KCNC2: variants seen among roughly 807,000 people sequenced by gnomAD.
The protein encoded by KCNC2 is potassium voltage-gated channel subfamily C member 2, also known as voltage-gated potassium channel KCNC2.
Under a neutral mutation model 44.5 loss-of-function variants are expected in KCNC2, and 21 were observed. That is an observed-to-expected ratio of 0.47 (90% CI 0.33 to 0.68). The LOEUF (loss-of-function observed/expected upper bound fraction) is 0.68, where lower values mean the gene tolerates loss of function less well. Among genes scored for constraint, KCNC2 ranks in the 30% least tolerant of loss-of-function variants. The pLI, the probability that KCNC2 is intolerant of heterozygous loss-of-function variation, is 0.01. For synonymous variants in KCNC2, 391 were observed against 339.1 expected, an observed-to-expected ratio of 1.15 and a Z score of -1.68; for missense variants, 589 against 826.2, an observed-to-expected ratio of 0.71 and a Z score of 3.52.
At chr12:75,098,542 T>G (rs899486258) in intron 2 of KCNC2, among the ~76,000 whole-genome samples, 1 of 152,082 alleles carries the variant, frequency 6.6e-6, no homozygotes, top group East Asian at 1.9e-4. Flanking sequence ...GTGGATCACC[T>G]TAGGTCAGGA....
Position 75,166,877 on chromosome 12 carries a change from C to A in KCNC2, c.687+40420G>T, listed in dbSNP as rs577880453. The stretch of plus-strand genomic sequence containing the variant: ...AAGAAGCTCTCAAATAAATAACTTT[C>A]CACCCTAAGAATTAGGAAAAGAAGA... On this transcript the variant is annotated intron_variant, in intron 2 of 4. Coordinates refer to ENST00000549446, the MANE Select transcript of KCNC2 (RefSeq NM_139137.4). Among the ~76,000 whole-genome samples the A allele has an allele frequency of 2.3e-4, 35 of 151,146 alleles. 1 individual carries two copies. The highest frequency in any genetic ancestry group is 8.0e-4 in the African/African-American group (33 of 41,378).
At chr12:75,084,216 T>G (rs1884755019) in intron 2 of KCNC2, among the ~76,000 whole-genome samples, 1 of 76,786 alleles carries the variant, frequency 1.3e-5, no homozygotes, top group Admixed American at 1.7e-4. Flanking sequence ...GCTCATAATC[T>G]AGTTGATGAT....
chr12:75,135,464 AT>A (rs1889159983), intron 2 of KCNC2, among the ~76,000 whole-genome samples: 1 of 152,054 alleles, frequency 6.6e-6, no homozygotes, highest in African/African-American at 2.4e-5. Context: ...TCCAGAGAAA[AT>A]ATAAGAGATA....
chr12:75,155,489 G>A (rs887803143), intron 2 of KCNC2, among the ~76,000 whole-genome samples: 1 of 151,756 alleles, frequency 6.6e-6, no homozygotes, highest in Admixed American at 6.6e-5. Flanking sequence ...AAGCATGATT[G>A]TACTGAGTTT....
intron 2 of KCNC2, among the ~76,000 whole-genome samples, chr12:75,128,408 T>TA (rs1324070228): frequency 6.6e-6 from 1 of 152,188 alleles, no homozygotes; most frequent in Non-Finnish European, 1.5e-5. Context: ...ATACTCCTAT[T>TA]AAATATTGTT....
intron 2 of KCNC2, among the ~76,000 whole-genome samples, chr12:75,088,187 T>G (rs1885184015): frequency 6.6e-6 from 1 of 152,058 alleles, no homozygotes; most frequent in South Asian, 2.1e-4. Context: ...CACAGAAGTA[T>G]TTAGCACAGG....
intron 2 of KCNC2, among the ~76,000 whole-genome samples, chr12:75,131,671 G>T (rs1303956198): frequency 3.9e-5 from 6 of 152,124 alleles, no homozygotes; most frequent in Non-Finnish European, 8.8e-5. Context: ...GCTGGAGGGG[G>T]CTACCCAGGA....
rs74703229 is a variant in KCNC2, at chr12:75,165,783, G to T, written c.687+41514C>A. Among the ~76,000 whole-genome samples, 1,311 of 151,472 alleles carry T rather than the reference G, an allele frequency of 8.7e-3. 24 individuals carry two copies. The highest frequency in any genetic ancestry group is 0.03 in the African/African-American group (1,252 of 41,420). ...TAGATGTTGATATCTATGTACATTT[G>T]CCTAAGTGTTTCATCTATAACAACA... On this transcript the variant is annotated intron_variant, in intron 2 of 4. Transcript: ENST00000549446.
At chr12:75,112,947 C>G (rs902828324) in intron 2 of KCNC2, among the ~76,000 whole-genome samples, 14 of 152,226 alleles carry the variant, frequency 9.2e-5, no homozygotes, top group African/African-American at 3.1e-4. Context: ...TCAGCATTGC[C>G]TTGATGTTCA....
intron 2 of KCNC2, among the ~76,000 whole-genome samples, chr12:75,099,714 C>T (rs183968696): frequency 5.6e-4 from 86 of 152,244 alleles, no homozygotes; most frequent in African/African-American, 2.0e-3. Flanking sequence ...ATTTTAACCT[C>T]AAGTCTCTAT....
intron 2 of KCNC2, among the ~76,000 whole-genome samples, chr12:75,053,215 T>C (rs4882671): frequency 0.88 from 134,227 of 151,920 alleles, 59,448 homozygotes; most frequent in Admixed American, 0.91. Context: ...TTTCTTATTC[T>C]ACCTAAAATC....
chr12:75,169,416 G>A (rs954333071), intron 2 of KCNC2, among the ~76,000 whole-genome samples: 3 of 151,446 alleles, frequency 2.0e-5, no homozygotes, highest in African/African-American at 4.8e-5. Context: ...CATTACTACT[G>A]ATAATGTCAT....
intron 2 of KCNC2, among the ~76,000 whole-genome samples, chr12:75,073,523 G>A (rs1053772864): frequency 6.6e-6 from 1 of 152,098 alleles, no homozygotes; most frequent in African/African-American, 2.4e-5. Context: ...CTATACAGTT[G>A]CAATATTATA....
intron 2 of KCNC2, among the ~76,000 whole-genome samples, chr12:75,120,088 T>C (rs1421741564): frequency 6.6e-6 from 1 of 152,148 alleles, no homozygotes; most frequent in Admixed American, 6.5e-5. Flanking sequence ...ATGCAATAAA[T>C]ACAGAATGAA....
intron 2 of KCNC2, among the ~76,000 whole-genome samples, chr12:75,071,240 T>C (rs904689743): frequency 5.9e-5 from 9 of 152,180 alleles, no homozygotes; most frequent in African/African-American, 2.2e-4. Context: ...GCGTCTCTTG[T>C]AGCATTAAAG....
intron 2 of KCNC2, among the ~76,000 whole-genome samples, chr12:75,059,658 G>A (rs929753416): frequency 2.6e-5 from 4 of 151,902 alleles, no homozygotes; most frequent in Non-Finnish European, 4.4e-5. Flanking sequence ...GCCTTTTTAT[G>A]TATGACTAAC....
chr12:75,093,984 C>T (rs755436005), intron 2 of KCNC2, among the ~76,000 whole-genome samples: 4 of 151,630 alleles, frequency 2.6e-5, no homozygotes. Flanking sequence ...AATGCATAGG[C>T]TCGGAACAGT....
At chr12:75,206,159 A>T (rs1282643197) in intron 2 of KCNC2, among the ~76,000 whole-genome samples, 4 of 152,226 alleles carry the variant, frequency 2.6e-5, no homozygotes, top group Non-Finnish European at 4.4e-5. Context: ...TGACATACAG[A>T]GGAAGAAAAT....
intron 2 of KCNC2, among the ~76,000 whole-genome samples, chr12:75,171,805 T>C (rs746087546): frequency 6.6e-6 from 1 of 151,900 alleles, no homozygotes. Context: ...TACTTGAGTG[T>C]TGGATATCTC....
Sources: gnomAD v4.1 joint callset for allele counts (sites outside exome capture counted in the v4.1 genomes callset) on GRCh38, gnomAD v4.1.1 for gene constraint, MANE v1.5 for transcripts, NCBI Gene and HGNC (gene_info 2026-07-23, HGNC 2026-07-21) for gene names.